The following USP49 variants were observed in gnomAD, a reference collection of about 807,000 sequenced individuals.
USP49 encodes the protein ubiquitin carboxyl-terminal hydrolase 49.
Under a neutral mutation model 58.6 loss-of-function variants are expected in USP49, and 24 were observed. That is an observed-to-expected ratio of 0.41 (90% CI 0.30 to 0.58). The LOEUF is 0.58. USP49 is among the 20% of genes least tolerant of loss of function. USP49 has a pLI of 0.30. For missense variants in USP49, 703 were observed against 866.1 expected (o/e 0.81, Z 2.36); for synonymous variants, 408 against 365.1 (o/e 1.12, Z -1.34).
chr6:41,821,314 ATC>A (rs1297555665), intron 3 of USP49, among the ~76,000 whole-genome samples: 1 of 152,018 alleles, frequency 6.6e-6, no homozygotes, highest in Non-Finnish European at 1.5e-5. Flanking sequence ...ACCCTACCAA[ATC>A]TCTTTCAGTA....
chr6:41,806,648 T>A lies in USP49; in HGVS notation c.336A>T (p.Arg112Ser). The A allele has an allele frequency of 1.2e-6, 2 of 1,613,778 alleles. No homozygotes were observed. Among genetic ancestry groups the A allele is most frequent in the Middle Eastern group, 1.6e-4 (1 of 6,062 alleles). The change falls in exon 4 of 8, where the codon AGA (arginine) becomes AGT (serine). Residue 112 changes from arginine (R) to serine (S), a missense_variant. Physicochemically the swap from Arg to Ser is moderately radical, Grantham distance 110. Coordinates refer to ENST00000682992, the MANE Select transcript of USP49 (RefSeq NM_001286554.2). The surrounding 1 kb of genome is among the most constrained non-coding windows in gnomAD (Gnocchi z 5.9). ...CCATGGACCGCAGCGTCCGCCCACGTCTCACCGGCGTGTCCTGTTTCTGGC... is the reference window on the plus strand; with the variant it reads ...CCATGGACCGCAGCGTCCGCCCACGACTCACCGGCGTGTCCTGTTTCTGGC... ...VRGQKQDTPV[R>S]RGRTLRSMAS...
At chr6:41,815,105 A>G (rs1032535310) in intron 3 of USP49, among the ~76,000 whole-genome samples, 1 of 152,150 alleles carries the variant, frequency 6.6e-6, no homozygotes, top group African/African-American at 2.4e-5. Flanking sequence ...AGATTTAAAA[A>G]TCAAGCTAGA....
intron 3 of USP49, among the ~76,000 whole-genome samples, chr6:41,827,631 G>A (rs974014973): frequency 7.2e-6 from 1 of 138,538 alleles, no homozygotes; most frequent in Non-Finnish European, 1.5e-5. Context: ...CTACCCTCCA[G>A]CCTGGGCAAT....
At position 41,803,846 on chromosome 6, in the gene USP49, C is replaced by T; in HGVS notation, c.1521G>A (p.Glu507=). The change falls in exon 5 of 8, where the codon GAG becomes GAA. Residue 507 remains glutamate, a synonymous_variant. Coordinates refer to ENST00000682992, the MANE Select transcript of USP49 (RefSeq NM_001286554.2). The surrounding 1 kb of genome is among the most constrained non-coding windows in gnomAD (Gnocchi z 4.1). ...TEMLAKFTET[E]ALEGRIYACD... is the part of the protein sequence containing the mutation. ...AAGCGTAGATTCTCCCTTCCAGGGC[C>T]TCTGTCTCTGTGAATTTGGCCAGCA... The T allele has an allele frequency of 6.2e-7, 1 of 1,614,180 alleles. No individual in the cohort carries two copies. Among genetic ancestry groups the T allele is most frequent in the Non-Finnish European group, 8.5e-7 (1 of 1,180,022 alleles).
At chr6:41,889,257 T>C (rs1774770897) in intron 2 of USP49, among the ~76,000 whole-genome samples, 1 of 152,074 alleles carries the variant, frequency 6.6e-6, no homozygotes, top group South Asian at 2.1e-4. Context: ...GGTCTCAAAC[T>C]CCTGGCACCA....
rs1397429758 is a variant in USP49 at position 41,793,284 on chromosome 6, CAG to C, written c.*3247_*3248del. ...TTTTGTTTTTGTTTTTTTTTTAAGA[CAG>C]AGTCTCGCTCTGTCGCCAGGCTGGA... is the stretch of plus-strand genomic sequence containing the variant. On this transcript the variant is annotated 3_prime_UTR_variant, in exon 8 of 8. Transcript: ENST00000682992. 3.3e-5 allele frequency: 5 copies of C among 151,016 alleles called. No homozygotes were observed. The highest frequency in any genetic ancestry group is 5.8e-5 in the Non-Finnish European group (4 of 68,876). The allele number at this position is 151,016 out of a possible 1,614,324, so 9.4% of individuals were successfully genotyped here. A position where few individuals can be genotyped will look rare whatever the true frequency, so the allele number is the denominator to read the frequency against.
At chr6:41,875,170 T>A (rs893756429) in intron 2 of USP49, among the ~76,000 whole-genome samples, 18 of 151,866 alleles carry the variant, frequency 1.2e-4, no homozygotes, top group Admixed American at 6.6e-5. Flanking sequence ...ATATACTATC[T>A]ATATATATTT....
intron 3 of USP49, among the ~76,000 whole-genome samples, chr6:41,816,146 C>G (rs1581999599): frequency 6.6e-6 from 1 of 152,294 alleles, no homozygotes; most frequent in East Asian, 1.9e-4. Context: ...CAAGTGTCTT[C>G]TGTCTAAAAA....
intron 3 of USP49, among the ~76,000 whole-genome samples, chr6:41,811,866 G>C (rs1006376311): frequency 5.3e-5 from 8 of 152,136 alleles, no homozygotes; most frequent in Non-Finnish European, 7.4e-5. Context: ...GGACACAAAA[G>C]AAAGTAATGA....
chr6:41,817,377 A>T (rs1276158605), intron 3 of USP49, among the ~76,000 whole-genome samples: 1 of 141,488 alleles, frequency 7.1e-6, no homozygotes, highest in African/African-American at 2.7e-5. Flanking sequence ...CAATCTCTTG[A>T]CCTCATGATC....
chr6:41,798,642 T>A, intron 7 of USP49, 82 bp downstream of exon 7: 1 of 1,607,826 alleles, frequency 6.2e-7, no homozygotes, highest in South Asian at 1.1e-5. Flanking sequence ...ATCCATGGGA[T>A]GGAAATAAAA....
In USP49 at chr6:41,796,349, C is replaced by A; in HGVS notation, c.*184G>T. 1 of 529,606 alleles carries A rather than the reference C, an allele frequency of 1.9e-6. No individual in the cohort carries two copies. The highest frequency in any genetic ancestry group is 3.1e-5 in the South Asian group (1 of 32,064). 32.8% of individuals were successfully genotyped at this position (529,606 alleles called of 1,614,324 possible). A position where few individuals can be genotyped will look rare whatever the true frequency, so the allele number is the denominator to read the frequency against. On this transcript the variant is annotated 3_prime_UTR_variant, in exon 8 of 8. Transcript: ENST00000682992. Reference sequence around the variant, plus strand: ...TGTTTTTAGGAAAGGAGGGAACTCCCAAACTCATTCAAAAGAAAGAGACTA... The same window carrying A: ...TGTTTTTAGGAAAGGAGGGAACTCCAAAACTCATTCAAAAGAAAGAGACTA...
chr6:41,833,724 T>A (rs942080980), intron 3 of USP49, among the ~76,000 whole-genome samples: 10 of 152,200 alleles, frequency 6.6e-5, no homozygotes, highest in Non-Finnish European at 1.5e-4. Flanking sequence ...ACAGCATGTG[T>A]GTAAGATTTC....
intron 2 of USP49, among the ~76,000 whole-genome samples, chr6:41,884,521 C>A (rs563613782): frequency 1.4e-4 from 21 of 152,258 alleles, no homozygotes; most frequent in African/African-American, 5.1e-4. Context: ...AAGGACATAT[C>A]AAACACATTA....
chr6:41,895,257 C>T (rs1447496959), intron 1 of USP49, 67 bp downstream of exon 1: 4 of 151,108 alleles, frequency 2.6e-5, no homozygotes, highest in African/African-American at 7.3e-5. Flanking sequence ...TCCCCCTACC[C>T]CCTGGAGCTA....
chr6:41,810,550 CTTT>C (rs113292186), intron 3 of USP49, among the ~76,000 whole-genome samples: 11 of 139,014 alleles, frequency 7.9e-5, no homozygotes, highest in Admixed American at 7.1e-5. Flanking sequence ...GATAGTTCCT[CTTT>C]TTTTTTTTTT....
intron 3 of USP49, among the ~76,000 whole-genome samples, chr6:41,869,080 C>CTTTT (rs571000427): frequency 7.3e-6 from 1 of 137,884 alleles, no homozygotes; most frequent in Non-Finnish European, 1.6e-5. Context: ...TGTTCTTAGT[C>CTTTT]TTTTTTTTTT....
chr6:41,812,280 T>C (rs1438728216), intron 3 of USP49, among the ~76,000 whole-genome samples: 3 of 151,722 alleles, frequency 2.0e-5, no homozygotes, highest in East Asian at 4.0e-4. Context: ...GGTTTCTCCA[T>C]ATTGGTCAGG....
In USP49 at chr6:41,806,373, G is replaced by A; in HGVS notation, c.611C>T (p.Pro204Leu). 2 of 1,539,798 alleles carry A rather than the reference G, an allele frequency of 1.3e-6. No homozygotes were observed. Among genetic ancestry groups the A allele is most frequent in the Non-Finnish European group, 1.7e-6 (2 of 1,153,718 alleles). The change falls in exon 4 of 8, where the codon CCT becomes CTT. Residue 204 changes from proline to leucine, a missense_variant. By Grantham distance (98) the Pro-to-Leu change is moderately conservative. Around this residue, in one of 6 missense-constraint regions of USP49, gnomAD observed 376 missense variants for 373.5 expected, o/e 1.01. Coordinates refer to ENST00000682992, the MANE Select transcript of USP49 (RefSeq NM_001286554.2). This position sits in a 1 kb window ranked among gnomAD's most constrained non-coding sequence, Gnocchi z 5.9. ...GAGCAGCCGTGCACTCTTGCGCGGA[G>A]GGGTGCTGGCCAGCTCCTCCAGCAG... is the stretch of plus-strand genomic sequence containing the variant. ...RRLLEELAST[P>L]PRKSARLLLH...
Sources: gnomAD v4.1 joint callset for allele counts (sites outside exome capture counted in the v4.1 genomes callset) on GRCh38, gnomAD v4.1.1 for gene constraint, gnomAD v4.1.1 regional missense constraint, Gnocchi (gnomAD v3.1) non-coding constraint, MANE v1.5 for transcripts, NCBI Gene and HGNC (gene_info 2026-07-23, HGNC 2026-07-21) for gene names.